RAPGEF2: variants seen among roughly 807,000 people sequenced by gnomAD.
The protein encoded by RAPGEF2 is PDZ domain containing guanine nucleotide exchange factor (GEF) 1.
In RAPGEF2, 54 loss-of-function variants were observed where a neutral mutation model predicts 186.7. The ratio of observed to expected loss-of-function variants is 0.29; its 90% CI spans 0.23 to 0.36. The LOEUF is 0.36. Among genes scored for constraint, RAPGEF2 ranks in the 10% least tolerant of loss-of-function variants. The pLI is 1.00. For missense variants in RAPGEF2, 1,532 were observed against 2,045.0 expected (o/e 0.75, Z 4.84); for synonymous variants, 712 against 705.9 (o/e 1.01, Z -0.14).
At chr4:159,331,010 T>C (rs1368110132) in intron 13 of RAPGEF2, among the ~76,000 whole-genome samples, 1 of 152,212 alleles carries the variant, frequency 6.6e-6, no homozygotes, top group African/African-American at 2.4e-5. Flanking sequence ...CTCCTTCCTT[T>C]TATATTCTGC....
intron 1 of RAPGEF2, among the ~76,000 whole-genome samples, chr4:159,159,295 G>A (rs1487764641): frequency 6.6e-6 from 1 of 152,154 alleles, no homozygotes; most frequent in African/African-American, 2.4e-5. Context: ...AGGCAAATAT[G>A]GTTGGACATC....
intron 1 of RAPGEF2, among the ~76,000 whole-genome samples, chr4:159,175,066 A>G (rs868269752): frequency 4.6e-5 from 7 of 152,322 alleles, no homozygotes; most frequent in East Asian, 3.9e-4. Flanking sequence ...TAAGCCATAC[A>G]TGTGTCTTAT....
intron 7 of RAPGEF2, among the ~76,000 whole-genome samples, chr4:159,275,999 CT>C (rs1758817351): frequency 6.6e-6 from 1 of 152,080 alleles, no homozygotes; most frequent in East Asian, 1.9e-4. Flanking sequence ...TTTATGGGTA[CT>C]ATGGAACTGA....
rs200223514 is a variant in RAPGEF2 at position 159,182,389 on chromosome 4, T to C, written c.70-4253T>C. Among the ~76,000 whole-genome samples, 70 of 45,328 alleles carry C rather than the reference T, an allele frequency of 1.5e-3. 1 individual carries two copies. The highest frequency in any genetic ancestry group is 5.3e-3 in the East Asian group (17 of 3,182). 29.7% of individuals were successfully genotyped at this position (45,328 alleles called of 152,430 possible). Reference sequence around the variant, plus strand: ...CTTCCTAGTATTTTCTTTTCTTCTTTTTTTTTTTTTTTTTTTTTTTTTTTG... The same window carrying C: ...CTTCCTAGTATTTTCTTTTCTTCTTCTTTTTTTTTTTTTTTTTTTTTTTTG... On this transcript the variant is annotated intron_variant, in intron 1 of 29. Transcript: ENST00000691494.
intron 2 of RAPGEF2, among the ~76,000 whole-genome samples, chr4:159,191,287 A>G (rs1301215801): frequency 6.6e-6 from 1 of 152,186 alleles, no homozygotes; most frequent in East Asian, 1.9e-4. Context: ...TGTGAGGAAA[A>G]AGGAGTAATC....
chr4:159,205,731 G>A (rs757679928), intron 3 of RAPGEF2, among the ~76,000 whole-genome samples: 3 of 151,936 alleles, frequency 2.0e-5, no homozygotes, highest in Admixed American at 1.3e-4. Flanking sequence ...CTTCCCCTTC[G>A]CCTTCCCCCA....
At chr4:159,200,834 A>G (rs1415396659) in intron 3 of RAPGEF2, among the ~76,000 whole-genome samples, 1 of 152,180 alleles carries the variant, frequency 6.6e-6, no homozygotes, top group Non-Finnish European at 1.5e-5. Flanking sequence ...AAGAAATAGA[A>G]TAAAAATTAC....
chr4:159,224,185 T>C (rs1487641036), intron 4 of RAPGEF2, among the ~76,000 whole-genome samples: 3 of 152,170 alleles, frequency 2.0e-5, no homozygotes, highest in Non-Finnish European at 2.9e-5. Flanking sequence ...AGGCATGAAC[T>C]ACCACGCCTG....
chr4:159,228,542 T>G (rs1233554920), intron 4 of RAPGEF2, among the ~76,000 whole-genome samples: 1 of 152,174 alleles, frequency 6.6e-6, no homozygotes, highest in East Asian at 1.9e-4. Context: ...AATGTTGAGA[T>G]TCACTGTGCA....
chr4:159,219,887 C>T (rs1019780592), intron 4 of RAPGEF2, among the ~76,000 whole-genome samples: 1 of 152,156 alleles, frequency 6.6e-6, no homozygotes, highest in Non-Finnish European at 1.5e-5. Flanking sequence ...CTTATTTGTC[C>T]TACAAATATT....
At chr4:159,165,317 T>G (rs1579349135) in intron 1 of RAPGEF2, among the ~76,000 whole-genome samples, 1 of 152,330 alleles carries the variant, frequency 6.6e-6, no homozygotes, top group Admixed American at 6.5e-5. Context: ...TTTAATCTTT[T>G]CTGGAGTAAC....
intron 4 of RAPGEF2, among the ~76,000 whole-genome samples, chr4:159,220,143 G>A (rs1326129954): frequency 6.6e-6 from 1 of 152,194 alleles, no homozygotes; most frequent in Non-Finnish European, 1.5e-5. Context: ...GGGGAAAGAA[G>A]AATTGGTGAA....
intron 7 of RAPGEF2, among the ~76,000 whole-genome samples, chr4:159,295,136 TATTAAC>T (rs1761779845): frequency 6.6e-6 from 1 of 152,192 alleles, no homozygotes; most frequent in South Asian, 2.1e-4. Flanking sequence ...CAGTAATTAT[TATTAAC>T]ATTAAGAGAA....
At chr4:159,312,540 G>C (rs1764071437) in intron 8 of RAPGEF2, among the ~76,000 whole-genome samples, 1 of 151,962 alleles carries the variant, frequency 6.6e-6, no homozygotes, top group Non-Finnish European at 1.5e-5. Context: ...TATGAGATGT[G>C]TTTCTGAGTG....
intron 8 of RAPGEF2, among the ~76,000 whole-genome samples, chr4:159,305,439 T>G (rs566355423): frequency 6.6e-6 from 1 of 152,174 alleles, no homozygotes; most frequent in African/African-American, 2.4e-5. Flanking sequence ...TCAGTGATAT[T>G]AAGCATTTTT....
At chr4:159,257,827 G>C (rs2111538559) in intron 7 of RAPGEF2, among the ~76,000 whole-genome samples, 1 of 152,246 alleles carries the variant, frequency 6.6e-6, no homozygotes, top group East Asian at 1.9e-4. Context: ...GGTTACTGTA[G>C]ACTTGTATAA....
At chr4:159,158,696 T>C (rs757394222) in intron 1 of RAPGEF2, among the ~76,000 whole-genome samples, 51 of 152,332 alleles carry the variant, frequency 3.3e-4, no homozygotes, top group Middle Eastern at 3.4e-3. Context: ...ATCCAGAGTA[T>C]GTTGGCACAC....
In RAPGEF2 at chr4:159,332,469, C is replaced by A. The variant is rs1766823900; in HGVS notation, c.1907C>A (p.Thr636Lys). ...TNLFVFKELL[T>K]RLSEEKRNGA... ...ATTTTAGTATTTAAAGAACTTCTAA[C>A]AAGATTGTCAGAAGAGAAAAGAAAT... Residue 636 changes from threonine to lysine, a missense_variant, in exon 17 of 30, where the codon ACA (threonine) becomes AAA (lysine). Around this residue, in one of 4 missense-constraint regions of RAPGEF2, gnomAD observed 810 missense variants for 1,210.5 expected, o/e 0.67. Coordinates refer to ENST00000691494, the MANE Select transcript of RAPGEF2 (RefSeq NM_001394067.2). 1 of 1,612,508 alleles carries A rather than the reference C, an allele frequency of 6.2e-7. No homozygotes were observed. Among genetic ancestry groups the A allele is most frequent in the Non-Finnish European group, 8.5e-7 (1 of 1,179,300 alleles).
At chr4:159,178,747 G>A (rs778308218) in intron 1 of RAPGEF2, among the ~76,000 whole-genome samples, 9 of 151,580 alleles carry the variant, frequency 5.9e-5, no homozygotes, top group Non-Finnish European at 1.0e-4. Context: ...TAGTAGAGAC[G>A]GGGGTTTCTC....
Sources: gnomAD v4.1 joint callset for allele counts (sites outside exome capture counted in the v4.1 genomes callset) on GRCh38, gnomAD v4.1.1 for gene constraint, gnomAD v4.1.1 regional missense constraint, MANE v1.5 for transcripts, NCBI Gene and HGNC (gene_info 2026-07-23, HGNC 2026-07-21) for gene names.